CEP250: variants seen among roughly 807,000 people sequenced by gnomAD.
The protein encoded by CEP250 is centrosomal protein 250.
In CEP250, 242 loss-of-function variants were observed where a neutral mutation model predicts 315.7. The observed-to-expected ratio is 0.77, with a 90% CI of 0.69 to 0.85. CEP250 has a LOEUF of 0.85. CEP250 is among the 40% of genes least tolerant of loss of function. CEP250 has a pLI of 0.00. For missense variants in CEP250, 2,515 were observed against 2,886.4 expected (o/e 0.87, Z 2.95); for synonymous variants, 1,088 against 1,175.0 (o/e 0.93, Z 1.51).
intron 20 of CEP250, among the ~76,000 whole-genome samples, chr20:35,480,590 C>CT (rs559422487): frequency 0.3 from 37,011 of 122,134 alleles, 6,664 homozygotes; most frequent in African/African-American, 0.47. Context: ...TTTTTTATAT[C>CT]TTTTTTTTTT....
intron 20 of CEP250, among the ~76,000 whole-genome samples, chr20:35,489,273 A>G (rs1783682691): frequency 6.6e-6 from 1 of 152,118 alleles, no homozygotes; most frequent in South Asian, 2.1e-4. Flanking sequence ...TGAGGGGGAA[A>G]GCTGCACAGG....
intron 20 of CEP250, among the ~76,000 whole-genome samples, chr20:35,490,388 G>A (rs1179674676): frequency 2.0e-5 from 3 of 152,134 alleles, no homozygotes; most frequent in Non-Finnish European, 4.4e-5. Context: ...ATTGCAGTTT[G>A]GAAGGTACTT....
chr20:35,490,803 AG>A lies in CEP250; in HGVS notation c.2754+1del. On this transcript the variant is annotated frameshift_variant and splice_region_variant, in exon 21 of 35. Transcript: ENST00000397527. LOFTEE classifies it high-confidence loss of function. The part of the protein sequence containing the change: ...ERTQAESALC[Q>X]MQLETEKERV... ...ACCCAGGCAGAGAGTGCCCTATGCC[AG>A]GTGGGAAGCTAGGAGGATTGGAGCT... The A allele has an allele frequency of 6.2e-7, 1 of 1,612,024 alleles. No individual in the cohort carries two copies. Among genetic ancestry groups the A allele is most frequent in the Middle Eastern group, 1.9e-4 (1 of 5,332 alleles).
chr20:35,478,238 A>G (rs1002454029), intron 17 of CEP250, 137 bp downstream of exon 17: 2 of 660,092 alleles, frequency 3.0e-6, no homozygotes, highest in South Asian at 2.0e-5. Flanking sequence ...AGTTTGCAGT[A>G]TATCTTCCAA....
intron 25 of CEP250, 96 bp downstream of exon 25, chr20:35,496,811 C>T: frequency 6.1e-6 from 8 of 1,312,124 alleles, no homozygotes; most frequent in Non-Finnish European, 8.2e-6. Flanking sequence ...TGGAGAGGAC[C>T]CATCTATTTT....
Position 35,510,068 on chromosome 20 carries a change from T to A in CEP250, c.7065+14T>A. 1 of 1,613,604 alleles carries A rather than the reference T, an allele frequency of 6.2e-7. No individual in the cohort carries two copies. Among genetic ancestry groups the A allele is most frequent in the South Asian group, 1.1e-5 (1 of 91,074 alleles). ...CTGCAGAAAGAGGTATGTTCTGGAT[T>A]TTCTAAGCCCATATTCCCTCCCTTG... On this transcript the variant is annotated intron_variant, in intron 34 of 34. Coordinates refer to ENST00000397527, the MANE Select transcript of CEP250 (RefSeq NM_007186.6).
chr20:35,463,431 C>A, intron 4 of CEP250, 144 bp from the exon 5 acceptor site: 1 of 527,048 alleles, frequency 1.9e-6, no homozygotes, highest in Non-Finnish European at 3.1e-6. Flanking sequence ...CAAATAGAAA[C>A]TATAAGATGT....
In CEP250 at chr20:35,498,781, T is replaced by C. The variant is rs960532191; in HGVS notation, c.3777+65T>C. 11 of 1,484,916 alleles carry C rather than the reference T, an allele frequency of 7.4e-6. No individual in the cohort carries two copies. In the African/African-American group the frequency reaches 8.7e-5, roughly 12 times the overall value. The allele number at this position is 1,484,916 out of a possible 1,614,324, so 92.0% of individuals were successfully genotyped here. A position where few individuals can be genotyped will look rare whatever the true frequency, so the allele number is the denominator to read the frequency against. ...CCTGGAAAAGCATGAGGCAAAGGGG[T>C]GTGAAGCAGTTTGACCTGTTTTATT... On this transcript the variant is annotated intron_variant, in intron 27 of 34. Transcript: ENST00000397527.
intron 25 of CEP250, among the ~76,000 whole-genome samples, chr20:35,497,032 A>G (rs2063857657): frequency 6.6e-6 from 1 of 152,168 alleles, no homozygotes; most frequent in Admixed American, 6.5e-5. Flanking sequence ...GGTTGGCAAG[A>G]TGTAGCAGGG....
At chr20:35,500,969 G>T (rs1249939535) in intron 28 of CEP250, among the ~76,000 whole-genome samples, 1 of 152,154 alleles carries the variant, frequency 6.6e-6, no homozygotes, top group Non-Finnish European at 1.5e-5. Flanking sequence ...TGCATCTTTT[G>T]TCATCCATGT....
rs774626072 is a variant in CEP250 at position 35,498,633 on chromosome 20, C to T, written c.3694C>T (p.Leu1232=). 6.2e-7 allele frequency: 1 copy of T among 1,607,252 alleles called. No individual in the cohort carries two copies. The highest frequency in any genetic ancestry group is 1.3e-5 in the African/African-American group (1 of 74,336). The change falls in exon 27 of 35, where the codon CTG becomes TTG. Residue 1232 remains leucine (L), a synonymous_variant. Coordinates refer to ENST00000397527, the MANE Select transcript of CEP250 (RefSeq NM_007186.6). ...GARSLFKRGP[L]LTALSAEAVA... ...TAGGAGCCTCTTTAAGAGAGGGCCC[C>T]TGCTGACTGCTCTCTCCGCTGAGGC...
In CEP250 at chr20:35,503,130, A is replaced by G. The variant is rs2064065808; in HGVS notation, c.4761A>G (p.Arg1587=). 6 of 1,614,152 alleles carry G rather than the reference A, an allele frequency of 3.7e-6. No individual in the cohort carries two copies. Among genetic ancestry groups the G allele is most frequent in the Non-Finnish European group, 4.2e-6 (5 of 1,180,022 alleles). ...TGGAGGGCCAGAGGGAAACCCAGAG[A>G]GTGGCTTTGACCCACCTTACGCTGG... ...KELEGQRETQ[R]VALTHLTLDL... is the part of the protein sequence containing the mutation. Residue 1587 remains arginine, a synonymous_variant, in exon 30 of 35, where the codon AGA becomes AGG. Transcript: ENST00000397527. The surrounding 1 kb of genome is among the most constrained non-coding windows in gnomAD (Gnocchi z 4.2).
In CEP250 at chr20:35,467,013, A is replaced by C; in HGVS notation, c.540A>C (p.Leu180=). 1 of 1,614,000 alleles carries C rather than the reference A, an allele frequency of 6.2e-7. No individual in the cohort carries two copies. Among genetic ancestry groups the C allele is most frequent in the Non-Finnish European group, 8.5e-7 (1 of 1,179,906 alleles). The change falls in exon 8 of 35, where the codon CTA becomes CTC. Residue 180 remains leucine (L), a synonymous_variant. Coordinates refer to ENST00000397527, the MANE Select transcript of CEP250 (RefSeq NM_007186.6). The part of the protein sequence containing the change: ...LKGEHGRLLS[L]WREVVTFRRH... ...GGGAGCACGGTCGCCTTCTCAGTCT[A>C]TGGCGGGAGGTTGTGACATTCCGAC...
Position 35,490,824 on chromosome 20 carries a change from G to A in CEP250, c.2754+20G>A. Reference sequence around the variant, plus strand: ...TGCCAGGTGGGAAGCTAGGAGGATTGGAGCTGCACGTCCAGTCAGCGATCT... The same window carrying A: ...TGCCAGGTGGGAAGCTAGGAGGATTAGAGCTGCACGTCCAGTCAGCGATCT... On this transcript the variant is annotated intron_variant, in intron 21 of 34. Coordinates refer to ENST00000397527, the MANE Select transcript of CEP250 (RefSeq NM_007186.6). 6.2e-7 allele frequency: 1 copy of A among 1,609,486 alleles called. No individual in the cohort carries two copies. The highest frequency in any genetic ancestry group is 8.5e-7 in the Non-Finnish European group (1 of 1,179,030).
rs570710564 is a variant in CEP250 at position 35,465,001 on chromosome 20, T to G, written c.244-742T>G. ...TTCAACTTATGATGGATTTATGGGA[T>G]GAAATTCCAGCATAAGTCAAGGAGC... On this transcript the variant is annotated intron_variant, in intron 5 of 34. Coordinates refer to ENST00000397527, the MANE Select transcript of CEP250 (RefSeq NM_007186.6). 2.0e-5 allele frequency among the ~76,000 whole-genome samples: 3 copies of G among 152,320 alleles called. No homozygotes were observed. The South Asian group carries it at 6.2e-4, about 32-fold the overall frequency.
rs578203843 is a variant in CEP250 at position 35,482,910 on chromosome 20, A to G, written c.2586+2765A>G. On this transcript the variant is annotated intron_variant, in intron 20 of 34. Transcript: ENST00000397527. ...CTTTTATTTGGTTGGAATTTCTTAGACATCCTGAATTTAAGATTTCATGTT... is the reference window on the plus strand; with the variant it reads ...CTTTTATTTGGTTGGAATTTCTTAGGCATCCTGAATTTAAGATTTCATGTT... Among the ~76,000 whole-genome samples, 3 of 152,326 alleles carry G rather than the reference A, an allele frequency of 2.0e-5. No homozygotes were observed. In the South Asian group the frequency reaches 6.2e-4, roughly 32 times the overall value.
chr20:35,485,844 T>G (rs1245013462), intron 20 of CEP250, among the ~76,000 whole-genome samples: 5 of 126,488 alleles, frequency 4.0e-5, no homozygotes, highest in Admixed American at 7.9e-5. Flanking sequence ...TTTTTTTTTA[T>G]AGAGATGGGG....
chr20:35,468,905 G>A (rs1337645239), intron 9 of CEP250, among the ~76,000 whole-genome samples: 1 of 152,116 alleles, frequency 6.6e-6, no homozygotes, highest in Non-Finnish European at 1.5e-5. Context: ...TGGAACTCCT[G>A]AGCTCAAGCA....
intron 30 of CEP250, 113 bp from the exon 31 acceptor site, chr20:35,507,625 A>G (rs2064224288): frequency 1.2e-6 from 1 of 826,898 alleles, no homozygotes; most frequent in African/African-American, 1.7e-5. Flanking sequence ...GCCTCTAGGA[A>G]AAATAAGACA....
Sources: allele counts gnomAD v4.1 joint callset (sites outside exome capture counted in the v4.1 genomes callset), GRCh38; gene constraint gnomAD v4.1.1; non-coding constraint Gnocchi (gnomAD v3.1); transcripts MANE v1.5; gene names NCBI Gene and HGNC (gene_info 2026-07-23, HGNC 2026-07-21).